The following B3GALNT2 variants were observed in gnomAD, a reference collection of about 807,000 sequenced individuals.
B3GALNT2 encodes the protein beta-1,3-N-acetylgalactosaminyltransferase 2.
Under a neutral mutation model 61.1 loss-of-function variants are expected in B3GALNT2, and 53 were observed. That is an observed-to-expected ratio of 0.87 (90% CI 0.70 to 1.09). The LOEUF is 1.09. Ranked by LOEUF, B3GALNT2 falls within the 50% of genes least tolerant of loss-of-function variation. The pLI is 0.00. For synonymous variants in B3GALNT2, 223 were observed against 237.4 expected (o/e 0.94, Z 0.56); for missense variants, 544 against 623.0 (o/e 0.87, Z 1.35).
intron 5 of B3GALNT2, among the ~76,000 whole-genome samples, chr1:235,475,342 GAAGA>G (rs1684225696): frequency 1.3e-5 from 2 of 151,980 alleles, no homozygotes; most frequent in Non-Finnish European, 1.5e-5. Flanking sequence ...CTTCACTTGT[GAAGA>G]ATCACTTGTG....
chr1:235,486,274 T>C (rs535973514), intron 3 of B3GALNT2, among the ~76,000 whole-genome samples: 26 of 152,314 alleles, frequency 1.7e-4, no homozygotes, highest in African/African-American at 6.3e-4. Flanking sequence ...TTTTTTGTCA[T>C]GGGCTGGGCA....
chr1:235,481,734 C>G (rs1684573681), intron 4 of B3GALNT2, among the ~76,000 whole-genome samples: 1 of 152,108 alleles, frequency 6.6e-6, no homozygotes, highest in African/African-American at 2.4e-5. Context: ...AACAGTGATA[C>G]TCAGAGTACT....
rs1183251056 is a variant in B3GALNT2, at chr1:235,474,971, ATATATATATATATATATT to A, written c.652-4029_652-4012del. Reference sequence around the variant, plus strand: ...GAGACATATATATATATATATATATATATATATATATATATATTTTTTTTTTTTTTTTTTTTTTTGAGA... The same window carrying A: ...GAGACATATATATATATATATATATATTTTTTTTTTTTTTTTTTTTTGAGA... On this transcript the variant is annotated intron_variant, in intron 5 of 11. Coordinates refer to ENST00000366600, the MANE Select transcript of B3GALNT2 (RefSeq NM_152490.5). Among the ~76,000 whole-genome samples, 28 of 30,098 alleles carry A rather than the reference ATATATATATATATATATT, an allele frequency of 9.3e-4. 1 individual carries two copies. Among genetic ancestry groups the A allele is most frequent in the East Asian group, 1.5e-3 (1 of 676 alleles). 19.7% of individuals were successfully genotyped at this position (30,098 alleles called of 152,430 possible).
intron 5 of B3GALNT2, 45 bp downstream of exon 5, chr1:235,480,009 T>C (rs761686581): frequency 6.2e-7 from 1 of 1,609,542 alleles, no homozygotes; most frequent in Admixed American, 1.7e-5. Flanking sequence ...CCCACTCCTA[T>C]GAAGGACTGC....
chr1:235,447,489 G>GCAGT lies in B3GALNT2; in HGVS notation c.*2713_*2716dup, dbSNP rs1455046999. Among the ~76,000 whole-genome samples the GCAGT allele has an allele frequency of 6.6e-6, 1 of 152,104 alleles. No homozygotes were observed. Among genetic ancestry groups the GCAGT allele is most frequent in the African/African-American group, 2.4e-5 (1 of 41,420 alleles). On this transcript the variant is annotated 3_prime_UTR_variant, in exon 12 of 12. Coordinates refer to ENST00000366600, the MANE Select transcript of B3GALNT2 (RefSeq NM_152490.5). Reference sequence around the variant, plus strand: ...CTCGGAAGTTACATTCCCATGCCTGGCAGTCACTTGTGTATGTTTAATACA... The same window carrying GCAGT: ...CTCGGAAGTTACATTCCCATGCCTGGCAGTCAGTCACTTGTGTATGTTTAATACA...
At chr1:235,481,086 G>T (rs765399530) in intron 4 of B3GALNT2, among the ~76,000 whole-genome samples, 1 of 151,848 alleles carries the variant, frequency 6.6e-6, no homozygotes, top group Non-Finnish European at 1.5e-5. Context: ...AACCATGCAG[G>T]GGTTCAAAAT....
rs760719375 is a variant in B3GALNT2 at position 235,465,668 on chromosome 1, CCCTCCACA to C, written c.801_808del (p.Val268SerfsTer13). ...AGTATATATAAAACCACCTGCAACTCCCTCCACACCTTCCAAGAATTCATGAGGCAATG... is the reference window on the plus strand; with the variant it reads ...AGTATATATAAAACCACCTGCAACTCCCTTCCAAGAATTCATGAGGCAATG... On this transcript the variant is annotated frameshift_variant, in exon 7 of 12. Transcript: ENST00000366600. LOFTEE classifies it high-confidence loss of function. 1 of 1,614,072 alleles carries C rather than the reference CCCTCCACA, an allele frequency of 6.2e-7. No individual in the cohort carries two copies. The highest frequency in any genetic ancestry group is 8.5e-7 in the Non-Finnish European group (1 of 1,179,994).
At chr1:235,503,968 A>C (rs1572574280) in intron 1 of B3GALNT2, among the ~76,000 whole-genome samples, 173 bp downstream of exon 1, 1 of 152,340 alleles carries the variant, frequency 6.6e-6, no homozygotes, top group African/African-American at 2.4e-5. Context: ...AAGCTCCCTC[A>C]AGTTTGCCCG....
chr1:235,497,799 T>C (rs1463090106), intron 1 of B3GALNT2, among the ~76,000 whole-genome samples: 2 of 152,212 alleles, frequency 1.3e-5, no homozygotes, highest in Non-Finnish European at 1.5e-5. Context: ...ACCTGACTTC[T>C]CCATATAATT....
chr1:235,441,574 A>G, the B3GALNT2 span: 2 of 544,584 alleles, frequency 3.7e-6, no homozygotes, highest in Non-Finnish European at 3.3e-6. Context: ...TTCACTGGTC[A>G]TTAACAATGA....
chr1:235,479,768 C>T, intron 5 of B3GALNT2: 1 of 253,608 alleles, frequency 3.9e-6, no homozygotes, highest in Non-Finnish European at 7.5e-6. Flanking sequence ...CAACATCATC[C>T]TTTGTCATTA....
intron 7 of B3GALNT2, 32 bp from the exon 8 acceptor site, chr1:235,458,818 ATGC>A (rs762463907): frequency 6.5e-7 from 1 of 1,535,662 alleles, no homozygotes; most frequent in Non-Finnish European, 8.8e-7. Flanking sequence ...TTGGAGAAAA[ATGC>A]TGTTGTAAAG....
At chr1:235,497,031 A>G (rs1429349298) in intron 1 of B3GALNT2, among the ~76,000 whole-genome samples, 1 of 152,242 alleles carries the variant, frequency 6.6e-6, no homozygotes, top group Non-Finnish European at 1.5e-5. Flanking sequence ...CCACAATACC[A>G]GTTCAACTGA....
intron 6 of B3GALNT2, among the ~76,000 whole-genome samples, chr1:235,470,255 A>C (rs950698343): frequency 1.3e-5 from 2 of 152,180 alleles, no homozygotes; most frequent in Non-Finnish European, 2.9e-5. Flanking sequence ...AATACTCTGA[A>C]TACTACTGAG....
chr1:235,445,865 T>C (rs1285704957), downstream of B3GALNT2, among the ~76,000 whole-genome samples: 3 of 152,136 alleles, frequency 2.0e-5, no homozygotes, highest in Non-Finnish European at 2.9e-5. Flanking sequence ...AGCGGAGGAA[T>C]GGTGAATAAG....
chr1:235,477,726 G>A (rs1322695021), intron 5 of B3GALNT2, among the ~76,000 whole-genome samples: 1 of 152,176 alleles, frequency 6.6e-6, no homozygotes, highest in African/African-American at 2.4e-5. Context: ...AACTGAAAGT[G>A]TCTCTATACA....
At chr1:235,465,868 G>A (rs1683670319) in intron 6 of B3GALNT2, 154 bp from the exon 7 acceptor site, 1 of 771,162 alleles carries the variant, frequency 1.3e-6, no homozygotes, top group African/African-American at 1.8e-5. Flanking sequence ...ATATCAGGAT[G>A]ACATACGGTA....
rs1437958242 is a variant in B3GALNT2 at position 235,504,230 on chromosome 1, A to C, written c.23T>G (p.Leu8Arg). Residue 8 changes from leucine to arginine, a missense_variant, in exon 1 of 12, where the codon CTG becomes CGG. Physicochemically the swap from Leu to Arg is moderately radical, Grantham distance 102. Coordinates refer to ENST00000366600, the MANE Select transcript of B3GALNT2 (RefSeq NM_152490.5). MRNWLVL[L>R]CPCVLGAALH... ...CGCGGCCCCGAGCACACACGGGCAC[A>C]GCAGCACCAGCCAGTTTCGCATTGG... 1 of 1,482,796 alleles carries C rather than the reference A, an allele frequency of 6.7e-7. No individual in the cohort carries two copies. The highest frequency in any genetic ancestry group is 8.9e-7 in the Non-Finnish European group (1 of 1,122,948). 91.9% of individuals were successfully genotyped at this position (1,482,796 alleles called of 1,614,324 possible).
chr1:235,461,661 C>T (rs567442400), intron 7 of B3GALNT2, among the ~76,000 whole-genome samples: 8 of 152,050 alleles, frequency 5.3e-5, no homozygotes, highest in East Asian at 1.9e-4. Context: ...GGATTACAGG[C>T]GTGCGCCACC....
Sources: gnomAD v4.1 joint callset for allele counts (sites outside exome capture counted in the v4.1 genomes callset) on GRCh38, gnomAD v4.1.1 for gene constraint, MANE v1.5 for transcripts, NCBI Gene and HGNC (gene_info 2026-07-23, HGNC 2026-07-21) for gene names.